Variants in RORA observed in about 807,000 individuals in gnomAD.
RORA encodes nuclear receptor ROR-alpha.
RORA carries 7 observed loss-of-function variants against 69.5 expected under a neutral mutation model. The observed-to-expected ratio is 0.10, with a 90% CI of 0.06 to 0.19. The LOEUF (loss-of-function observed/expected upper bound fraction) is 0.19, where lower values mean the gene tolerates loss of function less well. Ranked by LOEUF, RORA falls within the 10% of genes least tolerant of loss-of-function variation. The probability of loss-of-function intolerance (pLI) is 1.00; values close to 1 mark genes in which losing one functional copy is unlikely to be tolerated. For synonymous variants in RORA, 261 were observed against 240.8 expected, an observed-to-expected ratio of 1.08 and a Z score of -0.78; for missense variants, 457 against 663.0, an observed-to-expected ratio of 0.69 and a Z score of 3.41.
At chr15:61,079,581 T>TA (rs1005958417) in intron 1 of RORA, among the ~76,000 whole-genome samples, 6 of 152,318 alleles carry the variant, frequency 3.9e-5, no homozygotes, top group Admixed American at 3.9e-4. Flanking sequence ...AGGAATTAGG[T>TA]AAAAAATGCA....
At chr15:61,098,809 T>C (rs1173671531) in intron 1 of RORA, among the ~76,000 whole-genome samples, 1 of 152,250 alleles carries the variant, frequency 6.6e-6, no homozygotes. Flanking sequence ...TGATTACTGT[T>C]ATTGGAATGT....
At chr15:61,066,249 G>A (rs1035887439) in intron 1 of RORA, among the ~76,000 whole-genome samples, 1 of 152,038 alleles carries the variant, frequency 6.6e-6, no homozygotes, top group African/African-American at 2.4e-5. Context: ...AAAGGAACAT[G>A]ACTCTGCTAT....
rs952649298 is a variant in RORA at position 60,905,678 on chromosome 15, A to T, written c.167-226992T>A. 2.6e-5 allele frequency among the ~76,000 whole-genome samples: 4 copies of T among 152,244 alleles called. No individual in the cohort carries two copies. Among genetic ancestry groups the T allele is most frequent in the Non-Finnish European group, 5.9e-5 (4 of 68,044 alleles). ...CTGTATCTGCCCCGGTTCTGTCAGGAAAATTAAACAGAGCACTTGTGATTG... is the reference window on the plus strand; with the variant it reads ...CTGTATCTGCCCCGGTTCTGTCAGGTAAATTAAACAGAGCACTTGTGATTG... On this transcript the variant is annotated intron_variant, in intron 1 of 10. Coordinates refer to ENST00000335670, the MANE Select transcript of RORA (RefSeq NM_134261.3). This position sits in a 1 kb window ranked among gnomAD's most constrained non-coding sequence, Gnocchi z 4.8.
intron 2 of RORA, among the ~76,000 whole-genome samples, chr15:60,676,678 T>C (rs983383127): frequency 3.3e-5 from 5 of 152,216 alleles, no homozygotes; most frequent in Non-Finnish European, 4.4e-5. Flanking sequence ...GTATAGCTGA[T>C]GAAATTCTTT....
intron 1 of RORA, among the ~76,000 whole-genome samples, chr15:60,761,624 T>C (rs1019571759): frequency 1.8e-4 from 27 of 152,208 alleles, no homozygotes; most frequent in African/African-American, 5.5e-4. Context: ...GTACCTCTCC[T>C]ATGGTGTGCC....
intron 1 of RORA, among the ~76,000 whole-genome samples, chr15:60,981,342 T>C (rs1247123039): frequency 1.3e-5 from 2 of 152,118 alleles, no homozygotes; most frequent in South Asian, 4.1e-4. Context: ...ATGTATAGAT[T>C]GATATTTTTT....
intron 1 of RORA, among the ~76,000 whole-genome samples, chr15:61,000,151 A>T (rs1307044392): frequency 2.0e-5 from 3 of 152,222 alleles, no homozygotes; most frequent in Non-Finnish European, 4.4e-5. Flanking sequence ...GTTTTAAAAA[A>T]TTATTAGCTA....
intron 2 of RORA, among the ~76,000 whole-genome samples, chr15:60,645,346 A>T (rs2070020625): frequency 6.6e-6 from 1 of 151,294 alleles, no homozygotes; most frequent in Admixed American, 6.6e-5. Flanking sequence ...ATGTGGCAAA[A>T]TGGCTATGAT....
chr15:60,607,127 T>C (rs1458781928), intron 2 of RORA, among the ~76,000 whole-genome samples: 1 of 152,092 alleles, frequency 6.6e-6, no homozygotes, highest in African/African-American at 2.4e-5. Flanking sequence ...TAAAAAATGA[T>C]AAAAAGTTAG....
intron 1 of RORA, among the ~76,000 whole-genome samples, chr15:60,917,570 C>A (rs183136821): frequency 1.3e-5 from 2 of 152,316 alleles, no homozygotes; most frequent in Middle Eastern, 3.4e-3. Context: ...GAGGCATCCA[C>A]GAGCAGCTCT....
chr15:61,219,609 ACT>A (rs1849009890), intron 1 of RORA, among the ~76,000 whole-genome samples: 1 of 152,008 alleles, frequency 6.6e-6, no homozygotes, highest in Admixed American at 6.6e-5. Flanking sequence ...CATTATTCGA[ACT>A]TTGGAGGATC....
rs531628212 is a variant in RORA, at chr15:61,142,181, C to G, written c.166+86872G>C. Among the ~76,000 whole-genome samples the G allele has an allele frequency of 2.0e-5, 3 of 152,090 alleles. No individual in the cohort carries two copies. The South Asian group carries it at 6.2e-4, about 32-fold the overall frequency. ...TTTATTGTTGTTACCCTGAATATCT[C>G]TAGGATTTTTCTGTGGATTCCCAGA... On this transcript the variant is annotated intron_variant, in intron 1 of 10. Coordinates refer to ENST00000335670, the MANE Select transcript of RORA (RefSeq NM_134261.3).
intron 1 of RORA, among the ~76,000 whole-genome samples, chr15:60,780,299 G>A (rs1430742974): frequency 2.0e-5 from 3 of 152,120 alleles, no homozygotes; most frequent in African/African-American, 4.8e-5. Flanking sequence ...GGGCCTATGC[G>A]GGAGTATTTT....
At chr15:61,194,942 G>A (rs891300248) in intron 1 of RORA, among the ~76,000 whole-genome samples, 22 of 149,398 alleles carry the variant, frequency 1.5e-4, no homozygotes, top group African/African-American at 5.4e-4. Context: ...GTCAATGCAA[G>A]TAAAATGATT....
rs1596088808 is a variant in RORA, at chr15:61,229,178, T to A, written c.41A>T (p.Glu14Val). The A allele has an allele frequency of 2.6e-6, 4 of 1,555,368 alleles. No homozygotes were observed. The African/African-American group carries it at 5.5e-5, about 21-fold the overall frequency. ...APAAPDPAASEPGSSGADAAA... is the reference protein window; with the variant it reads ...APAAPDPAASVPGSSGADAAA... ...CGCGTCCGCGCCGCTGCTGCCTGGC[T>A]CGCTGGCGGCGGGGTCGGGGGCTGC... The change falls in exon 1 of 11, where the codon GAG becomes GTG. Residue 14 changes from glutamate (E) to valine (V), a missense_variant. Glu to Val is a moderately radical substitution (Grantham distance 121). Around this residue, in one of 3 missense-constraint regions of RORA, gnomAD observed 119 missense variants for 92.4 expected, o/e 1.29. Transcript: ENST00000335670.
At position 60,742,401 on chromosome 15, in the gene RORA, A is replaced by G. The variant is rs527447102; in HGVS notation, c.167-63715T>C. On this transcript the variant is annotated intron_variant, in intron 1 of 10. Transcript: ENST00000335670. ...TAAAAATGGTATGTGTCTATGGTGTACAACATATTTTGATATATGTATACA... is the reference window on the plus strand; with the variant it reads ...TAAAAATGGTATGTGTCTATGGTGTGCAACATATTTTGATATATGTATACA... Among the ~76,000 whole-genome samples the G allele has an allele frequency of 1.4e-4, 22 of 152,360 alleles. No individual in the cohort carries two copies. The South Asian group carries it at 4.6e-3, about 32-fold the overall frequency.
chr15:61,189,922 GA>G (rs985963983), intron 1 of RORA, among the ~76,000 whole-genome samples: 3 of 142,222 alleles, frequency 2.1e-5, no homozygotes, highest in African/African-American at 5.2e-5. Context: ...ATTTATCATG[GA>G]AAAAAAACAA....
chr15:60,901,831 A>G (rs1034058936), intron 1 of RORA, among the ~76,000 whole-genome samples: 3 of 152,218 alleles, frequency 2.0e-5, no homozygotes, highest in African/African-American at 7.2e-5. Flanking sequence ...TCTCAAAGGT[A>G]TGACATCACT....
intron 1 of RORA, among the ~76,000 whole-genome samples, chr15:60,804,949 T>C (rs778043505): frequency 1.3e-5 from 2 of 152,256 alleles, no homozygotes; most frequent in Non-Finnish European, 2.9e-5. Flanking sequence ...GACTTTCTTA[T>C]ATGTGTAGCT....
Sources: allele counts gnomAD v4.1 joint callset (sites outside exome capture counted in the v4.1 genomes callset), GRCh38; gene constraint gnomAD v4.1.1; regional missense constraint gnomAD v4.1.1; non-coding constraint Gnocchi (gnomAD v3.1); transcripts MANE v1.5; gene names NCBI Gene and HGNC (gene_info 2026-07-23, HGNC 2026-07-21).